The following KCNC3 variants were observed in gnomAD, a reference collection of about 807,000 sequenced individuals.
KCNC3 encodes potassium voltage-gated channel subfamily C member 3.
In KCNC3, 22 loss-of-function variants were observed where a neutral mutation model predicts 43.9. The observed-to-expected ratio is 0.50, with a 90% CI of 0.36 to 0.72. KCNC3 has a LOEUF of 0.72. Ranked by LOEUF, KCNC3 falls within the 30% of genes least tolerant of loss-of-function variation. The pLI is 0.00. For synonymous variants in KCNC3, 492 were observed against 488.0 expected (o/e 1.01, Z -0.11); for missense variants, 829 against 1,073.8 (o/e 0.77, Z 3.19).
At position 50,320,286 on chromosome 19, in the gene KCNC3, G is replaced by T; in HGVS notation, c.2234C>A (p.Pro745His). ...WRKPGPPSFLPDLNANAAAWI... is the reference protein window; with the variant it reads ...WRKPGPPSFLHDLNANAAAWI... ...GGCCGCGGCGTTGGCGTTGAGGTCG[G>T]GCAAGAAGCTTGGGGGGCCTGGCTT... The change falls in exon 4 of 5, where the codon CCC becomes CAC. Residue 745 changes from proline to histidine, a missense_variant. Physicochemically the swap from Pro to His is moderately conservative, Grantham distance 77. This residue lies in a region of KCNC3 where 308 missense variants were observed against 276.2 expected (regional missense o/e 1.11). Coordinates refer to ENST00000477616, the MANE Select transcript of KCNC3 (RefSeq NM_004977.3). 3 of 1,045,062 alleles carry T rather than the reference G, an allele frequency of 2.9e-6. No homozygotes were observed. The highest frequency in any genetic ancestry group is 2.5e-6 in the Non-Finnish European group (2 of 787,220). The allele number at this position is 1,045,062 out of a possible 1,614,324, so 64.7% of individuals were successfully genotyped here.
At position 50,323,087 on chromosome 19, in the gene KCNC3, C is replaced by T. The variant is rs946117131; in HGVS notation, c.1866G>A (p.Gly622=). The change falls in exon 2 of 5, where the codon GGG becomes GGA. Residue 622 remains glycine (G), a synonymous_variant. Coordinates refer to ENST00000477616, the MANE Select transcript of KCNC3 (RefSeq NM_004977.3). ...GCCCACCCGCTCCCCCCCTGAGCAG[C>T]CCGGGGTGCGTGTGGGGCCCCGCTG... is the stretch of plus-strand genomic sequence containing the variant. The part of the protein sequence containing the change: ...AYPAGPHTHP[G]LLRGGAGGLG... 6.5e-7 allele frequency: 1 copy of T among 1,540,308 alleles called. No individual in the cohort carries two copies. Among genetic ancestry groups the T allele is most frequent in the Admixed American group, 2.0e-5 (1 of 50,802 alleles).
At chr19:50,316,170 G>A (rs2036950555) in intron 4 of KCNC3, 79 bp from the exon 5 acceptor site, 1 of 396,536 alleles carries the variant, frequency 2.5e-6, no homozygotes, top group Non-Finnish European at 4.7e-6. Flanking sequence ...CCTCACTGTT[G>A]GGGGGATGGA....
chr19:50,321,019 G>A (rs1277790015), intron 2 of KCNC3, among the ~76,000 whole-genome samples: 1 of 149,894 alleles, frequency 6.7e-6, no homozygotes, highest in Non-Finnish European at 1.5e-5. Flanking sequence ...TGGGGGTTGA[G>A]TGCTGGGAAG....
rs2037135422 is a variant in KCNC3, at chr19:50,328,471, C to T, written c.612G>A (p.Ala204=). The T allele has an allele frequency of 6.2e-7, 1 of 1,601,134 alleles. No homozygotes were observed. The highest frequency in any genetic ancestry group is 1.4e-5 in the African/African-American group (1 of 74,072). ...CGTTGGCGGCGCCCGCGGGGTCGGG[C>T]GCCTCGAAGGAGTCGAGCGCCTCCT... ...DAEEALDSFE[A]PDPAGAANAA... is the part of the protein sequence containing the mutation. Residue 204 remains alanine, a synonymous_variant, in exon 1 of 5, where the codon GCG becomes GCA. Coordinates refer to ENST00000477616, the MANE Select transcript of KCNC3 (RefSeq NM_004977.3).
In KCNC3 at chr19:50,320,597, T is replaced by A; in HGVS notation, c.2166A>T (p.Arg722=). 1 of 1,611,426 alleles carries A rather than the reference T, an allele frequency of 6.2e-7. No individual in the cohort carries two copies. Residue 722 remains arginine (R), a synonymous_variant, in exon 3 of 5, where the codon CGA becomes CGT. Transcript: ENST00000477616. ...TCAGTAGGGGGGGCACCTCACCTTT[T>A]CGGATGGAGCCATCAGGGGAAGGGG... ...DYAPSPDGSI[R]KATGAPPLPP...
intron 3 of KCNC3, 108 bp downstream of exon 3, chr19:50,320,485 A>C: frequency 2.0e-6 from 2 of 1,024,878 alleles, no homozygotes; most frequent in Non-Finnish European, 2.9e-6. Context: ...GGCCAAGGGA[A>C]GGGGGAAGGG....
At chr19:50,318,785 A>AACACAGTTC (rs2036989480) in intron 4 of KCNC3, among the ~76,000 whole-genome samples, 1 of 152,164 alleles carries the variant, frequency 6.6e-6, no homozygotes, top group Admixed American at 6.5e-5. Context: ...TGTTCTCAAG[A>AACACAGTTC]ATCAGTTGTG....
intron 1 of KCNC3, among the ~76,000 whole-genome samples, chr19:50,326,247 A>T (rs909112354): frequency 1.3e-5 from 2 of 152,240 alleles, no homozygotes; most frequent in African/African-American, 4.8e-5. Flanking sequence ...TAGCCTGACC[A>T]TCACAGAAGA....
upstream of KCNC3, among the ~76,000 whole-genome samples, chr19:50,330,060 A>G (rs148568145): frequency 0.031 from 4,687 of 152,210 alleles, 91 homozygotes; most frequent in Middle Eastern, 0.058. Context: ...TGAGGTCAGG[A>G]GTTCGAGACC....
Position 50,324,030 on chromosome 19 carries a change from CA to C in KCNC3, c.922del (p.Cys308AlafsTer16). ...GATGAAGCCCTCATGGGTTTCCAGG[CA>C]GAAGGTGGTGATGGAGATGAGGATG... is the stretch of plus-strand genomic sequence containing the variant. The part of the protein sequence containing the change: ...FFILISITTF[C>X]LETHEGFIHI... On this transcript the variant is annotated frameshift_variant, in exon 2 of 5. Coordinates refer to ENST00000477616, the MANE Select transcript of KCNC3 (RefSeq NM_004977.3). LOFTEE classifies it high-confidence loss of function. This position sits in a 1 kb window ranked among gnomAD's most constrained non-coding sequence, Gnocchi z 4.1. The C allele has an allele frequency of 6.2e-7, 1 of 1,607,034 alleles. No individual in the cohort carries two copies. Among genetic ancestry groups the C allele is most frequent in the Non-Finnish European group, 8.5e-7 (1 of 1,175,150 alleles).
rs1240993359 is a variant in KCNC3, at chr19:50,314,733, G to A, written c.*1382C>T. On this transcript the variant is annotated 3_prime_UTR_variant, in exon 5 of 5. Coordinates refer to ENST00000477616, the MANE Select transcript of KCNC3 (RefSeq NM_004977.3). ...GTCTGCTGGCATCGTCATCTCGGTT[G>A]CATATTATTAATGACTTTTTGATTT... is the stretch of plus-strand genomic sequence containing the variant. The A allele has an allele frequency of 2.3e-6, 1 of 443,600 alleles. No homozygotes were observed. The highest frequency in any genetic ancestry group is 1.6e-5 in the South Asian group (1 of 63,872). The allele number at this position is 443,600 out of a possible 1,614,324, so 27.5% of individuals were successfully genotyped here.
In KCNC3 at chr19:50,313,430, T is replaced by C. The variant is rs1643016761; in HGVS notation, c.*2685A>G. On this transcript the variant is annotated 3_prime_UTR_variant, in exon 5 of 5. Transcript: ENST00000477616. Reference sequence around the variant, plus strand: ...CAAAATGCGTATTAGAGACAAAACTTTTAAAACAAGTGTTTGTCCTCATAC... The same window carrying C: ...CAAAATGCGTATTAGAGACAAAACTCTTAAAACAAGTGTTTGTCCTCATAC... The C allele has an allele frequency of 6.6e-6, 1 of 152,182 alleles. No homozygotes were observed. Among genetic ancestry groups the C allele is most frequent in the African/African-American group, 2.4e-5 (1 of 41,438 alleles). 9.4% of individuals were successfully genotyped at this position (152,182 alleles called of 1,614,324 possible). A position where few individuals can be genotyped will look rare whatever the true frequency, so the allele number is the denominator to read the frequency against.
chr19:50,316,466 C>G (rs911039552), intron 4 of KCNC3, among the ~76,000 whole-genome samples: 3 of 151,906 alleles, frequency 2.0e-5, no homozygotes, highest in Admixed American at 1.3e-4. Context: ...AGAAGCCTGG[C>G]GCAGTGGCTC....
At chr19:50,327,498 G>A (rs1366509815) in intron 1 of KCNC3, among the ~76,000 whole-genome samples, 3 of 152,132 alleles carry the variant, frequency 2.0e-5, no homozygotes, top group African/African-American at 7.2e-5. Flanking sequence ...GGGTCCAGAA[G>A]GCTGTGAGGT....
chr19:50,320,402 G>T, intron 3 of KCNC3, 53 bp from the exon 4 acceptor site: 1 of 596,582 alleles, frequency 1.7e-6, no homozygotes, highest in Non-Finnish European at 3.0e-6. Flanking sequence ...ATGGAATAAA[G>T]ACAGGTGAAG....
chr19:50,324,054 A>G lies in KCNC3; in HGVS notation c.899T>C (p.Ile300Thr). The change falls in exon 2 of 5, where the codon ATC becomes ACC. Residue 300 changes from isoleucine to threonine, a missense_variant. This residue lies in a region of KCNC3 where 157 missense variants were observed against 293.5 expected (regional missense o/e 0.53). Transcript: ENST00000477616. This position sits in a 1 kb window ranked among gnomAD's most constrained non-coding sequence, Gnocchi z 4.1. Reference protein sequence around the residue: ...RYVAFASLFFILISITTFCLE... With the variant: ...RYVAFASLFFTLISITTFCLE... Reference sequence around the variant, plus strand: ...GCAGAAGGTGGTGATGGAGATGAGGATGAAGAAGAGGGAGGCGAAGGCCAC... The same window carrying G: ...GCAGAAGGTGGTGATGGAGATGAGGGTGAAGAAGAGGGAGGCGAAGGCCAC... 6.2e-7 allele frequency: 1 copy of G among 1,603,212 alleles called. No individual in the cohort carries two copies. Among genetic ancestry groups the G allele is most frequent in the Non-Finnish European group, 8.5e-7 (1 of 1,173,410 alleles).
chr19:50,322,562 G>A (rs115192723), intron 2 of KCNC3, among the ~76,000 whole-genome samples: 2,977 of 152,144 alleles, frequency 0.02, 97 homozygotes, highest in African/African-American at 0.069. Context: ...AGACCCTATC[G>A]GCTTCAGTCT....
Position 50,328,981 on chromosome 19 carries a change from TGGCGGC to T in KCNC3, c.96_101del (p.Pro34_Pro35del). 1 of 1,073,540 alleles carries T rather than the reference TGGCGGC, an allele frequency of 9.3e-7. No individual in the cohort carries two copies. The highest frequency in any genetic ancestry group is 1.2e-6 in the Non-Finnish European group (1 of 851,412). The allele number at this position is 1,073,540 out of a possible 1,614,324, so 66.5% of individuals were successfully genotyped here. Reference sequence around the variant, plus strand: ...GCTGCTGCTGCTGCGGCGGCAGCGGTGGCGGCGGCGGGGACTCGGGCGGCTGCGGCG... The same window carrying T: ...GCTGCTGCTGCTGCGGCGGCAGCGGTGGCGGGGACTCGGGCGGCTGCGGCG... On this transcript the variant is annotated inframe_deletion, in exon 1 of 5. Transcript: ENST00000477616.
At chr19:50,326,739 G>T (rs2037111340) in intron 1 of KCNC3, among the ~76,000 whole-genome samples, 1 of 143,840 alleles carries the variant, frequency 7.0e-6, no homozygotes, top group Non-Finnish European at 1.5e-5. Context: ...AATGGTTCAG[G>T]AGAGAACCCA....
Sources: gnomAD v4.1 joint callset for allele counts (sites outside exome capture counted in the v4.1 genomes callset) on GRCh38, gnomAD v4.1.1 for gene constraint, gnomAD v4.1.1 regional missense constraint, Gnocchi (gnomAD v3.1) non-coding constraint, MANE v1.5 for transcripts, NCBI Gene and HGNC (gene_info 2026-07-23, HGNC 2026-07-21) for gene names.